Variants in CCDC138 observed in about 807,000 individuals in gnomAD.
CCDC138 encodes the protein coiled-coil domain-containing protein 138.
In CCDC138, 66 loss-of-function variants were observed where a neutral mutation model predicts 82.3. That is an observed-to-expected ratio of 0.80 (90% CI 0.66 to 0.98). The LOEUF is 0.98. CCDC138 is among the 50% of genes least tolerant of loss of function. CCDC138 has a pLI of 0.00. For missense variants in CCDC138, 816 were observed against 758.9 expected, an observed-to-expected ratio of 1.08 and a Z score of -0.88; for synonymous variants, 297 against 265.4, an observed-to-expected ratio of 1.12 and a Z score of -1.16.
intron 10 of CCDC138, among the ~76,000 whole-genome samples, chr2:108,829,361 T>C (rs1687151178): frequency 6.6e-6 from 1 of 152,206 alleles, no homozygotes; most frequent in Non-Finnish European, 1.5e-5. Flanking sequence ...GATAAAGAAA[T>C]GGCCCCTAAG....
At chr2:108,809,845 G>C (rs148700891) in intron 7 of CCDC138, among the ~76,000 whole-genome samples, 1 of 151,930 alleles carries the variant, frequency 6.6e-6, no homozygotes, top group Non-Finnish European at 1.5e-5. Context: ...TCACTCTGTC[G>C]CCCAGGCTGG....
downstream of CCDC138, among the ~76,000 whole-genome samples, chr2:108,876,834 G>C (rs1187208412): frequency 6.6e-6 from 1 of 152,038 alleles, no homozygotes; most frequent in Non-Finnish European, 1.5e-5. Context: ...TACAAGGCAA[G>C]ACATTTTTTA....
At chr2:108,814,997 G>T (rs935329213) in intron 9 of CCDC138, among the ~76,000 whole-genome samples, 1 of 151,766 alleles carries the variant, frequency 6.6e-6, no homozygotes, top group Non-Finnish European at 1.5e-5. Flanking sequence ...ATGTGTAGTG[G>T]TATCTTATTA....
chr2:108,813,638 A>G (rs1159641936), intron 9 of CCDC138, among the ~76,000 whole-genome samples: 1 of 152,204 alleles, frequency 6.6e-6, no homozygotes, highest in Non-Finnish European at 1.5e-5. Flanking sequence ...TATAAATTAC[A>G]TATGGTAACA....
At chr2:108,790,984 ACTC>A (rs1679816208) in intron 3 of CCDC138, among the ~76,000 whole-genome samples, 1 of 150,726 alleles carries the variant, frequency 6.6e-6, no homozygotes, top group South Asian at 2.1e-4. Flanking sequence ...CTGATCTTGA[ACTC>A]CTGGGCTCAA....
At chr2:108,848,654 A>G (rs1049058516) in intron 12 of CCDC138, among the ~76,000 whole-genome samples, 3 of 152,242 alleles carry the variant, frequency 2.0e-5, no homozygotes, top group African/African-American at 7.2e-5. Context: ...AGGGAAATTT[A>G]TGTGGAAAAA....
intron 10 of CCDC138, among the ~76,000 whole-genome samples, chr2:108,830,941 G>A (rs1434450979): frequency 6.6e-6 from 1 of 152,120 alleles, no homozygotes. Context: ...TTGGGATGCC[G>A]AGGCAGGCAG....
intron 13 of CCDC138, among the ~76,000 whole-genome samples, chr2:108,870,002 C>T (rs1423044475): frequency 2.0e-5 from 3 of 152,084 alleles, no homozygotes; most frequent in Non-Finnish European, 4.4e-5. Flanking sequence ...GACTTTAAAA[C>T]AACTATCTTA....
chr2:108,792,056 A>G (rs1382346927), intron 4 of CCDC138, among the ~76,000 whole-genome samples: 5 of 152,226 alleles, frequency 3.3e-5, no homozygotes, highest in Non-Finnish European at 7.3e-5. Flanking sequence ...TGAGTAGATG[A>G]TTGTGGTAGT....
intron 11 of CCDC138, among the ~76,000 whole-genome samples, chr2:108,841,668 C>A (rs573659944): frequency 6.6e-6 from 1 of 152,030 alleles, no homozygotes; most frequent in South Asian, 2.1e-4. Context: ...CATACAGCTG[C>A]ATTTAGAAAA....
intron 10 of CCDC138, among the ~76,000 whole-genome samples, chr2:108,837,627 G>A (rs898576888): frequency 7.2e-5 from 11 of 152,306 alleles, no homozygotes; most frequent in Non-Finnish European, 1.3e-4. Flanking sequence ...TGATGCTGAC[G>A]TAAACAAACC....
At chr2:108,874,484 CT>C (rs1335218756) in intron 14 of CCDC138, among the ~76,000 whole-genome samples, 1 of 152,136 alleles carries the variant, frequency 6.6e-6, no homozygotes, top group Non-Finnish European at 1.5e-5. Flanking sequence ...CACCTTCTAT[CT>C]CAACTCATTT....
intron 12 of CCDC138, among the ~76,000 whole-genome samples, chr2:108,851,709 C>T (rs1446195380): frequency 1.8e-4 from 28 of 152,084 alleles, no homozygotes; most frequent in Admixed American, 1.8e-3. Context: ...ATCAGAAAGT[C>T]CAGGAAAGAT....
chr2:108,860,504 G>A (rs1180510125), intron 13 of CCDC138, among the ~76,000 whole-genome samples: 1 of 150,606 alleles, frequency 6.6e-6, no homozygotes, highest in African/African-American at 2.4e-5. Flanking sequence ...CAATGCCTAG[G>A]TTGTTGAGGT....
intron 10 of CCDC138, among the ~76,000 whole-genome samples, chr2:108,832,903 T>G (rs547197636): frequency 6.6e-6 from 1 of 152,172 alleles, no homozygotes; most frequent in East Asian, 1.9e-4. Flanking sequence ...TACTGGCAAG[T>G]TTGAATGTCA....
At chr2:108,832,287 A>G (rs1282782809) in intron 10 of CCDC138, among the ~76,000 whole-genome samples, 1 of 151,262 alleles carries the variant, frequency 6.6e-6, no homozygotes, top group Admixed American at 6.6e-5. Flanking sequence ...TCAGCCTCCC[A>G]AAGTGCTGAG....
rs759392854 is a variant in CCDC138, at chr2:108,876,202, C to T, written c.1947C>T (p.Phe649=). Residue 649 remains phenylalanine (F), a synonymous_variant, in exon 15 of 15, where the codon TTC becomes TTT. Transcript: ENST00000295124. ...GTATTAATCTAAATTCAACTCTGTT[C>T]AATCTGGGTTTAACAAAATGTAACT... ...FLCINLNSTL[F]NLGLTKCNSL... is the part of the protein sequence containing the mutation. 7.4e-6 allele frequency: 12 copies of T among 1,613,138 alleles called. No individual in the cohort carries two copies. Among genetic ancestry groups the T allele is most frequent in the Non-Finnish European group, 9.3e-6 (11 of 1,179,544 alleles).
chr2:108,788,796 G>A (rs1163718225), intron 2 of CCDC138, 56 bp from the exon 3 acceptor site: 12 of 1,607,396 alleles, frequency 7.5e-6, no homozygotes, highest in Middle Eastern at 1.7e-4. Context: ...GCCAGTGCCA[G>A]ATATTTTGTG....
At chr2:108,790,040 C>T (rs1679641124) in intron 3 of CCDC138, among the ~76,000 whole-genome samples, 1 of 151,940 alleles carries the variant, frequency 6.6e-6, no homozygotes, top group African/African-American at 2.4e-5. Context: ...TATTTGGGAG[C>T]TTGACTTTTT....
Sources: allele counts gnomAD v4.1 joint callset (sites outside exome capture counted in the v4.1 genomes callset), GRCh38; gene constraint gnomAD v4.1.1; transcripts MANE v1.5; gene names NCBI Gene and HGNC (gene_info 2026-07-23, HGNC 2026-07-21).